The following BMP5 variants were observed in gnomAD, a reference collection of about 807,000 sequenced individuals.
BMP5 encodes the protein bone morphogenetic protein 5.
Under a neutral mutation model 46.6 loss-of-function variants are expected in BMP5, and 23 were observed. The observed-to-expected ratio is 0.49, with a 90% CI of 0.35 to 0.70. The LOEUF is 0.70. Ranked by LOEUF, BMP5 falls within the 30% of genes least tolerant of loss-of-function variation. BMP5 has a pLI of 0.00. For synonymous variants in BMP5, 204 were observed against 191.9 expected, an observed-to-expected ratio of 1.06 and a Z score of -0.52; for missense variants, 545 against 565.6, an observed-to-expected ratio of 0.96 and a Z score of 0.37.
chr6:55,841,778 A>G (rs1240213002), intron 1 of BMP5, among the ~76,000 whole-genome samples: 4 of 152,114 alleles, frequency 2.6e-5, no homozygotes, highest in Admixed American at 2.6e-4. Flanking sequence ...GTTTCACCCT[A>G]AAGGCTTTAT....
chr6:55,772,965 A>G (rs1775082303), intron 4 of BMP5: 2 of 970,374 alleles, frequency 2.1e-6, no homozygotes, highest in Non-Finnish European at 2.4e-6. Context: ...TTATCTAAAC[A>G]CTCATGCATG....
intron 2 of BMP5, among the ~76,000 whole-genome samples, chr6:55,811,504 A>T (rs913953101): frequency 1.3e-5 from 2 of 152,172 alleles, no homozygotes; most frequent in African/African-American, 4.8e-5. Context: ...TAAGTGCTGG[A>T]TGCTATTCTT....
intron 4 of BMP5, among the ~76,000 whole-genome samples, chr6:55,766,826 G>A (rs950024859): frequency 6.6e-6 from 1 of 151,770 alleles, no homozygotes; most frequent in Admixed American, 6.6e-5. Context: ...ATGGTCCATG[G>A]CTCTACAACT....
chr6:55,812,732 GC>G (rs1776165098), intron 2 of BMP5, among the ~76,000 whole-genome samples: 1 of 152,162 alleles, frequency 6.6e-6, no homozygotes, highest in Non-Finnish European at 1.5e-5. Flanking sequence ...TTTAAAAATA[GC>G]CAGAGGTACT....
At chr6:55,812,947 A>G (rs1005503072) in intron 2 of BMP5, among the ~76,000 whole-genome samples, 1 of 152,238 alleles carries the variant, frequency 6.6e-6, no homozygotes, top group African/African-American at 2.4e-5. Flanking sequence ...AAGTTGTGGT[A>G]ACTATTTTCC....
intron 1 of BMP5, among the ~76,000 whole-genome samples, chr6:55,868,163 CAT>C (rs1358787080): frequency 1.3e-5 from 2 of 152,148 alleles, no homozygotes; most frequent in Non-Finnish European, 2.9e-5. Context: ...TTGATTTAGA[CAT>C]GTGTTATAGT....
intron 2 of BMP5, among the ~76,000 whole-genome samples, chr6:55,817,235 C>T (rs1776294954): frequency 1.3e-5 from 2 of 152,170 alleles, no homozygotes; most frequent in African/African-American, 2.4e-5. Flanking sequence ...TTTGACCCAG[C>T]CATCCCATTA....
chr6:55,776,461 AG>A (rs1775174369), intron 3 of BMP5, among the ~76,000 whole-genome samples: 1 of 151,786 alleles, frequency 6.6e-6, no homozygotes, highest in Non-Finnish European at 1.5e-5. Flanking sequence ...GAAAAAAAAA[AG>A]AACTGAGAAA....
chr6:55,815,133 CAAAA>C (rs35015007), intron 2 of BMP5, among the ~76,000 whole-genome samples: 1 of 77,992 alleles, frequency 1.3e-5, no homozygotes, highest in Non-Finnish European at 2.5e-5. Context: ...AACTCCATCT[CAAAA>C]AAAAAAAAAA....
At chr6:55,844,469 ATT>A (rs1030697391) in intron 1 of BMP5, among the ~76,000 whole-genome samples, 2 of 151,974 alleles carry the variant, frequency 1.3e-5, no homozygotes, top group Admixed American at 1.3e-4. Flanking sequence ...TTGTGAACTT[ATT>A]TTTAATGTTA....
At chr6:55,780,780 G>C (rs228151) in intron 3 of BMP5, among the ~76,000 whole-genome samples, 96,799 of 151,856 alleles carry the variant, frequency 0.64, 32,315 homozygotes, top group East Asian at 0.8. Context: ...GCTCATGAGG[G>C]TCCAGGAAGT....
chr6:55,849,870 G>A (rs554618200), intron 1 of BMP5, among the ~76,000 whole-genome samples: 1 of 151,952 alleles, frequency 6.6e-6, no homozygotes, highest in Non-Finnish European at 1.5e-5. Context: ...TGTAGATGAG[G>A]ACTATTTCTA....
intron 1 of BMP5, among the ~76,000 whole-genome samples, chr6:55,850,389 GA>G (rs1777207213): frequency 3.6e-5 from 5 of 140,478 alleles, no homozygotes; most frequent in African/African-American, 1.4e-4. Context: ...TAGATAGATA[GA>G]TAGATCGATA....
rs1370351413 is a variant in BMP5 at position 55,753,982 on chromosome 6, C to A, written c.*1551G>T. The A allele has an allele frequency of 6.6e-6, 1 of 151,824 alleles. No individual in the cohort carries two copies. Among genetic ancestry groups the A allele is most frequent in the Non-Finnish European group, 1.5e-5 (1 of 67,904 alleles). The allele number at this position is 151,824 out of a possible 1,614,324, so 9.4% of individuals were successfully genotyped here. On this transcript the variant is annotated 3_prime_UTR_variant, in exon 7 of 7. Coordinates refer to ENST00000370830, the MANE Select transcript of BMP5 (RefSeq NM_021073.4). ...TTAAAAATATATTACTTAATGTACC[C>A]CTTAATATAGTTACTGTCAAATTTT...
chr6:55,843,368 T>A (rs1739513901), intron 1 of BMP5, among the ~76,000 whole-genome samples: 1 of 152,058 alleles, frequency 6.6e-6, no homozygotes, highest in African/African-American at 2.4e-5. Context: ...AAAACTACTT[T>A]AAGATTAAGA....
chr6:55,812,520 G>C (rs915200883), intron 2 of BMP5, among the ~76,000 whole-genome samples: 3 of 152,126 alleles, frequency 2.0e-5, no homozygotes, highest in Admixed American at 2.0e-4. Context: ...TTACTGTACA[G>C]ATCTCCCTTA....
At chr6:55,780,470 A>AAAAAAAAAAG (rs1554181020) in intron 3 of BMP5, among the ~76,000 whole-genome samples, 7 of 131,714 alleles carry the variant, frequency 5.3e-5, no homozygotes, top group African/African-American at 1.6e-4. Flanking sequence ...AAAAAAAAAA[A>AAAAAAAAAAG]AAAGAAAGAA....
In BMP5 at chr6:55,853,982, G is replaced by A. The variant is rs115352870; in HGVS notation, c.490+20394C>T. On this transcript the variant is annotated intron_variant, in intron 1 of 6. Coordinates refer to ENST00000370830, the MANE Select transcript of BMP5 (RefSeq NM_021073.4). The stretch of plus-strand genomic sequence containing the variant: ...AGAATTTTTTACCAAATATAATATT[G>A]TTTTATTTTATTTTTTGTAAGGATA... Among the ~76,000 whole-genome samples, 364 of 152,098 alleles carry A rather than the reference G, an allele frequency of 2.4e-3. 1 individual carries two copies. Among genetic ancestry groups the A allele is most frequent in the Non-Finnish European group, 3.9e-3 (264 of 67,972 alleles).
At chr6:55,778,999 T>A (rs946638763) in intron 3 of BMP5, among the ~76,000 whole-genome samples, 4 of 152,068 alleles carry the variant, frequency 2.6e-5, no homozygotes, top group African/African-American at 9.7e-5. Flanking sequence ...CAAAGCTCTA[T>A]CCCAGACTCA....
Sources: gnomAD v4.1 joint callset for allele counts (sites outside exome capture counted in the v4.1 genomes callset) on GRCh38, gnomAD v4.1.1 for gene constraint, MANE v1.5 for transcripts, NCBI Gene and HGNC (gene_info 2026-07-23, HGNC 2026-07-21) for gene names.